CMYA5: variants seen among roughly 807,000 people sequenced by gnomAD.
CMYA5 encodes cardiomyopathy associated 5, also known as cardiomyopathy-associated protein 5.
CMYA5 carries 246 observed loss-of-function variants against 318.9 expected under a neutral mutation model. The observed-to-expected ratio is 0.77, with a 90% CI of 0.70 to 0.86. The LOEUF is 0.86. CMYA5 is among the 40% of genes least tolerant of loss of function. The pLI, the probability that CMYA5 is intolerant of heterozygous loss-of-function variation, is 0.00. For missense variants in CMYA5, 4,589 were observed against 4,678.2 expected, an observed-to-expected ratio of 0.98 and a Z score of 0.56; for synonymous variants, 1,641 against 1,729.5, an observed-to-expected ratio of 0.95 and a Z score of 1.27.
chr5:79,786,923 T>C (rs1829092283), intron 9 of CMYA5, among the ~76,000 whole-genome samples: 1 of 152,240 alleles, frequency 6.6e-6, no homozygotes, highest in African/African-American at 2.4e-5. Flanking sequence ...ATTGTGCACA[T>C]TTGTCAAATC....
At chr5:79,741,806 CAA>C (rs1344361937) in intron 2 of CMYA5, among the ~76,000 whole-genome samples, 1 of 152,076 alleles carries the variant, frequency 6.6e-6, no homozygotes, top group African/African-American at 2.4e-5. Context: ...CAATTTAAAA[CAA>C]ATTTTATAAG....
chr5:79,736,045 A>G lies in CMYA5; in HGVS notation c.7280A>G (p.Asp2427Gly), dbSNP rs1340293321. 4 of 1,612,516 alleles carry G rather than the reference A, an allele frequency of 2.5e-6. No homozygotes were observed. The highest frequency in any genetic ancestry group is 1.7e-6 in the Non-Finnish European group (2 of 1,179,562). Residue 2427 changes from aspartate (D) to glycine (G), a missense_variant, in exon 2 of 13, where the codon GAC becomes GGC. Around this residue, in one of 3 missense-constraint regions of CMYA5, gnomAD observed 2,431 missense variants for 2,495.1 expected, o/e 0.97. Coordinates refer to ENST00000446378, the MANE Select transcript of CMYA5 (RefSeq NM_153610.5). Reference sequence around the variant, plus strand: ...GGCAGTTTAATTGATTTCAGTGAAGACAGACTCAAGAAAGAAATGCAAAAT... The same window carrying G: ...GGCAGTTTAATTGATTTCAGTGAAGGCAGACTCAAGAAAGAAATGCAAAAT... ...SKGSLIDFSE[D>G]RLKKEMQNPT...
chr5:79,740,133 A>G (rs1828182754), intron 2 of CMYA5, among the ~76,000 whole-genome samples: 1 of 152,240 alleles, frequency 6.6e-6, no homozygotes, highest in Non-Finnish European at 1.5e-5. Context: ...GAGAGGATGT[A>G]TGCCGGTTAT....
intron 1 of CMYA5, among the ~76,000 whole-genome samples, chr5:79,697,380 G>C (rs1827087806): frequency 6.6e-6 from 1 of 152,122 alleles, no homozygotes; most frequent in African/African-American, 2.4e-5. Flanking sequence ...CTTGTAATGA[G>C]AGTCTGGCAA....
At chr5:79,755,052 C>T (rs1297449968) in intron 6 of CMYA5, among the ~76,000 whole-genome samples, 1 of 152,162 alleles carries the variant, frequency 6.6e-6, no homozygotes, top group Non-Finnish European at 1.5e-5. Context: ...GTTGCTTCCA[C>T]TTTTTGGCTA....
Position 79,730,961 on chromosome 5 carries a change from A to C in CMYA5, c.2196A>C (p.Pro732=), listed in dbSNP as rs1441207618. ...AAGGTGTTTCTGAGTACATGATTCC[A>C]TCAGAAGAGAAGGAAGACACTGGAT... The part of the protein sequence containing the change: ...ILKGVSEYMI[P]SEEKEDTGSF... Residue 732 remains proline, a synonymous_variant, in exon 2 of 13, where the codon CCA becomes CCC. Coordinates refer to ENST00000446378, the MANE Select transcript of CMYA5 (RefSeq NM_153610.5). The C allele has an allele frequency of 6.2e-7, 1 of 1,613,990 alleles. No individual in the cohort carries two copies. Among genetic ancestry groups the C allele is most frequent in the Non-Finnish European group, 8.5e-7 (1 of 1,179,884 alleles).
At position 79,738,851 on chromosome 5, in the gene CMYA5, C is replaced by A; in HGVS notation, c.10086C>A (p.Val3362=). Residue 3362 remains valine (V), a synonymous_variant, in exon 2 of 13, where the codon GTC becomes GTA. Coordinates refer to ENST00000446378, the MANE Select transcript of CMYA5 (RefSeq NM_153610.5). The stretch of plus-strand genomic sequence containing the variant: ...AAGCAGGCAGTCACGGTAATGAAGT[C>A]GGAAATGCAAGTCCAGAGGTCAATC... ...ADEAGSHGNE[V]GNASPEVNLN... 6.2e-7 allele frequency: 1 copy of A among 1,613,818 alleles called. No homozygotes were observed.
In CMYA5 at chr5:79,734,226, CA is replaced by C. The variant is rs954878355; in HGVS notation, c.5468del (p.Lys1823ArgfsTer17). On this transcript the variant is annotated frameshift_variant, in exon 2 of 13. Transcript: ENST00000446378. LOFTEE classifies it high-confidence loss of function. ...KIAPSDLLVE[Q>X]KKTEKALHSD... ...TGCTCCTTCTGACCTCCTTGTAGAA[CA>C]AAAAAAGACAGAAAAAGCACTTCAT... is the stretch of plus-strand genomic sequence containing the variant. The C allele has an allele frequency of 6.2e-6, 10 of 1,612,914 alleles. No individual in the cohort carries two copies. The African/African-American group carries it at 9.4e-5, about 15-fold the overall frequency.
intron 7 of CMYA5, among the ~76,000 whole-genome samples, chr5:79,760,223 C>T (rs1189410024): frequency 6.6e-6 from 1 of 151,950 alleles, no homozygotes; most frequent in African/African-American, 2.4e-5. Context: ...CACCCCCACC[C>T]CAAACACTTC....
rs1257434569 is a variant in CMYA5 at position 79,729,863 on chromosome 5, G to A, written c.1098G>A (p.Gln366=). Residue 366 remains glutamine, a synonymous_variant, in exon 2 of 13, where the codon CAG becomes CAA. Transcript: ENST00000446378. ...GGCATTCACAGTCAGTGCCACAACA[G>A]CCAGAAGATGAAGCAAAACCACATG... ...QLRHSQSVPQ[Q]PEDEAKPHEV... 6.2e-7 allele frequency: 1 copy of A among 1,612,476 alleles called. No individual in the cohort carries two copies. Among genetic ancestry groups the A allele is most frequent in the Non-Finnish European group, 8.5e-7 (1 of 1,179,106 alleles).
intron 9 of CMYA5, among the ~76,000 whole-genome samples, chr5:79,770,292 C>T (rs1025718406): frequency 6.6e-6 from 1 of 152,268 alleles, no homozygotes; most frequent in Non-Finnish European, 1.5e-5. Flanking sequence ...GGCTTCAGCC[C>T]CCTTTCCAGG....
chr5:79,737,104 A>G lies in CMYA5; in HGVS notation c.8339A>G (p.Glu2780Gly), dbSNP rs761188886. The change falls in exon 2 of 13, where the codon GAA (glutamate) becomes GGA (glycine). Residue 2780 changes from glutamate (E) to glycine (G), a missense_variant. Glu to Gly is a moderately conservative substitution (Grantham distance 98). This residue lies in a region of CMYA5 where 2,431 missense variants were observed against 2,495.1 expected (regional missense o/e 0.97). Coordinates refer to ENST00000446378, the MANE Select transcript of CMYA5 (RefSeq NM_153610.5). ...GGTGGTTCAGTAGATATCACAAAAG[A>G]AAGTATGAAAGAAGGATTTCCATCT... is the stretch of plus-strand genomic sequence containing the variant. Reference protein sequence around the residue: ...WKGGSVDITKESMKEGFPSKE... With the variant: ...WKGGSVDITKGSMKEGFPSKE... 9 of 1,613,532 alleles carry G rather than the reference A, an allele frequency of 5.6e-6. No homozygotes were observed. The highest frequency in any genetic ancestry group is 2.7e-5 in the African/African-American group (2 of 74,916).
chr5:79,735,430 C>T lies in CMYA5; in HGVS notation c.6665C>T (p.Thr2222Ile). The stretch of plus-strand genomic sequence containing the variant: ...GTGACTGTGATAGATCCTGAAGGTA[C>T]AATTCCCACCAATTTTAATGTAGCT... ...KAVTVIDPEGTIPTNFNVAEK... is the reference protein window; with the variant it reads ...KAVTVIDPEGIIPTNFNVAEK... Residue 2222 changes from threonine (T) to isoleucine (I), a missense_variant, in exon 2 of 13, where the codon ACA (threonine) becomes ATA (isoleucine). Thr to Ile is a moderately conservative substitution (Grantham distance 89). Around this residue, in one of 3 missense-constraint regions of CMYA5, gnomAD observed 2,431 missense variants for 2,495.1 expected, o/e 0.97. Transcript: ENST00000446378. 6.2e-7 allele frequency: 1 copy of T among 1,613,866 alleles called. No homozygotes were observed. The highest frequency in any genetic ancestry group is 8.5e-7 in the Non-Finnish European group (1 of 1,179,802).
rs1025423710 is a variant in CMYA5, at chr5:79,733,681, C to T, written c.4916C>T (p.Ser1639Leu). Residue 1639 changes from serine (S) to leucine (L), a missense_variant, in exon 2 of 13, where the codon TCA (serine) becomes TTA (leucine). Transcript: ENST00000446378. ...HQPLELPNAGSEFSSDLGRQS... is the reference protein window; with the variant it reads ...HQPLELPNAGLEFSSDLGRQS... ...CCGTTGGAATTACCAAATGCTGGGTCAGAATTTTCTAGTGATTTAGGTAGA... is the reference window on the plus strand; with the variant it reads ...CCGTTGGAATTACCAAATGCTGGGTTAGAATTTTCTAGTGATTTAGGTAGA... The T allele has an allele frequency of 6.2e-7, 1 of 1,613,840 alleles. No individual in the cohort carries two copies. The highest frequency in any genetic ancestry group is 1.7e-5 in the Admixed American group (1 of 59,990).
At position 79,735,617 on chromosome 5, in the gene CMYA5, G is replaced by A. The variant is rs760666965; in HGVS notation, c.6852G>A (p.Val2284=). 56 of 1,613,442 alleles carry A rather than the reference G, an allele frequency of 3.5e-5. No individual in the cohort carries two copies. The South Asian group carries it at 3.7e-4, about 11-fold the overall frequency. ...AACAGCCAAAATTCATTTCTGAGGT[G>A]TCTAGGGAAGATTATGGAAAAAAAG... ...DLQQPKFISE[V]SREDYGKKEI... Residue 2284 remains valine, a synonymous_variant, in exon 2 of 13, where the codon GTG becomes GTA. Coordinates refer to ENST00000446378, the MANE Select transcript of CMYA5 (RefSeq NM_153610.5).
rs1464478406 is a variant in CMYA5, at chr5:79,736,354, T to C, written c.7589T>C (p.Ile2530Thr). 1 of 1,613,450 alleles carries C rather than the reference T, an allele frequency of 6.2e-7. No homozygotes were observed. Among genetic ancestry groups the C allele is most frequent in the East Asian group, 2.2e-5 (1 of 44,840 alleles). Residue 2530 changes from isoleucine to threonine, a missense_variant, in exon 2 of 13, where the codon ATT becomes ACT. By Grantham distance (89) the Ile-to-Thr change is moderately conservative (BLOSUM62 -1). This residue lies in a region of CMYA5 where 2,431 missense variants were observed against 2,495.1 expected (regional missense o/e 0.97). Transcript: ENST00000446378. Reference protein sequence around the residue: ...NEDYNERPKIIVGSEKEKGEE... With the variant: ...NEDYNERPKITVGSEKEKGEE... Reference sequence around the variant, plus strand: ...GACTACAATGAAAGACCCAAAATCATTGTTGGTTCTGAAAAGGAGAAAGGT... The same window carrying C: ...GACTACAATGAAAGACCCAAAATCACTGTTGGTTCTGAAAAGGAGAAAGGT...
chr5:79,721,014 G>A (rs987017358), intron 1 of CMYA5, among the ~76,000 whole-genome samples: 1 of 152,082 alleles, frequency 6.6e-6, no homozygotes, highest in Non-Finnish European at 1.5e-5. Context: ...ACATAAGGAC[G>A]TGTAAGTTGA....
chr5:79,697,210 A>C (rs1827084135), intron 1 of CMYA5, among the ~76,000 whole-genome samples: 1 of 152,224 alleles, frequency 6.6e-6, no homozygotes, highest in Non-Finnish European at 1.5e-5. Flanking sequence ...ATGCATTGGT[A>C]CAATGAATCA....
chr5:79,762,981 C>A, intron 8 of CMYA5, 81 bp from the exon 9 acceptor site: 1 of 1,458,536 alleles, frequency 6.9e-7, no homozygotes, highest in Non-Finnish European at 9.3e-7. Flanking sequence ...CATGCCGAAG[C>A]CGTGGAAGAT....
Sources: allele counts gnomAD v4.1 joint callset (sites outside exome capture counted in the v4.1 genomes callset), GRCh38; gene constraint gnomAD v4.1.1; regional missense constraint gnomAD v4.1.1; transcripts MANE v1.5; gene names NCBI Gene and HGNC (gene_info 2026-07-23, HGNC 2026-07-21).